SLC2A14: variants seen among roughly 807,000 people sequenced by gnomAD.
SLC2A14 encodes solute carrier family 2 member 14.
In SLC2A14, 13 loss-of-function variants were observed where a neutral mutation model predicts 43.0. The observed-to-expected ratio is 0.30, with a 90% CI of 0.20 to 0.48. SLC2A14 has a LOEUF of 0.48. Ranked by LOEUF, SLC2A14 falls within the 20% of genes least tolerant of loss-of-function variation. The pLI, the probability that SLC2A14 is intolerant of heterozygous loss-of-function variation, is 0.99. For missense variants in SLC2A14, 428 were observed against 620.4 expected (o/e 0.69, Z 3.29); for synonymous variants, 190 against 233.8 (o/e 0.81, Z 1.71).
chr12:7,890,782 T>C (rs747571236), intron 1 of SLC2A14: 1 of 356,054 alleles, frequency 2.8e-6, no homozygotes, highest in Non-Finnish European at 5.1e-6. Context: ...TTATGCAAAG[T>C]CCCCCTTCAG....
intron 6 of SLC2A14, among the ~76,000 whole-genome samples, chr12:7,828,288 C>T (rs1864674044): frequency 6.6e-6 from 1 of 151,942 alleles, no homozygotes; most frequent in Non-Finnish European, 1.5e-5. Context: ...TCACTTGAAC[C>T]TGGGAGGCAG....
chr12:7,819,349 C>G, intron 9 of SLC2A14, 133 bp downstream of exon 9: 1 of 1,493,124 alleles, frequency 6.7e-7, no homozygotes, highest in Non-Finnish European at 9.0e-7. Flanking sequence ...CTTAAAAACT[C>G]TGGGCATCTT....
intron 7 of SLC2A14, among the ~76,000 whole-genome samples, chr12:7,824,400 T>C (rs896425733): frequency 6.6e-6 from 1 of 152,028 alleles, no homozygotes; most frequent in East Asian, 1.9e-4. Context: ...TATCACAATG[T>C]CTACACATCA....
intron 6 of SLC2A14, 134 bp from the exon 7 acceptor site, chr12:7,827,816 C>T: frequency 4.0e-6 from 6 of 1,489,308 alleles, no homozygotes; most frequent in South Asian, 1.4e-5. Flanking sequence ...TGCCCTCTCA[C>T]CTCATTCTTT....
chr12:7,839,618 A>G, intron 2 of SLC2A14: 1 of 282,308 alleles, frequency 3.5e-6, no homozygotes, highest in African/African-American at 2.3e-5. Context: ...TGTTGAATGG[A>G]GAAGATGCTG....
chr12:7,826,926 C>CTT (rs1864484380), intron 7 of SLC2A14, among the ~76,000 whole-genome samples: 1 of 62,264 alleles, frequency 1.6e-5, no homozygotes. Flanking sequence ...TTTCCTTTTT[C>CTT]TTTCCTTTCC....
chr12:7,859,511 T>C (rs1380232441), intron 2 of SLC2A14, among the ~76,000 whole-genome samples: 1 of 151,964 alleles, frequency 6.6e-6, no homozygotes, highest in Non-Finnish European at 1.5e-5. Context: ...GCTAGGGTAT[T>C]AACCATGGGA....
In SLC2A14 at chr12:7,871,040, G is replaced by A. The variant is rs1478953689; in HGVS notation, c.-57-1103C>T. 21 of 1,422,850 alleles carry A rather than the reference G, an allele frequency of 1.5e-5. No homozygotes were observed. The Admixed American group carries it at 1.9e-4, about 13-fold the overall frequency. 88.1% of individuals were successfully genotyped at this position (1,422,850 alleles called of 1,614,324 possible). A position where few individuals can be genotyped will look rare whatever the true frequency, so the allele number is the denominator to read the frequency against. ...CAGCACGACAAGCTGGCTTCACCGCGGAAGAACCCCATGGATGAATACCTG... is the reference window on the plus strand; with the variant it reads ...CAGCACGACAAGCTGGCTTCACCGCAGAAGAACCCCATGGATGAATACCTG... On this transcript the variant is annotated intron_variant, in intron 1 of 10. Transcript: ENST00000431042.
chr12:7,866,942 T>C (rs1859435149), intron 2 of SLC2A14, among the ~76,000 whole-genome samples: 2 of 151,564 alleles, frequency 1.3e-5, no homozygotes, highest in African/African-American at 2.4e-5. Context: ...AGGACTTTCA[T>C]GGTTTTTTTT....
intron 7 of SLC2A14, among the ~76,000 whole-genome samples, chr12:7,825,854 G>A (rs983465529): frequency 1.3e-5 from 2 of 151,486 alleles, no homozygotes; most frequent in African/African-American, 4.9e-5. Context: ...TCCTCAGAAT[G>A]CTCATGGATC....
At position 7,872,909 on chromosome 12, in the gene SLC2A14, C is replaced by T. The variant is rs1945319834; in HGVS notation, c.-160G>A. 22 of 985,496 alleles carry T rather than the reference C, an allele frequency of 2.2e-5. No homozygotes were observed. Among genetic ancestry groups the T allele is most frequent in the Non-Finnish European group, 2.7e-5 (22 of 830,026 alleles). The allele number at this position is 985,496 out of a possible 1,614,324, so 61.0% of individuals were successfully genotyped here. On this transcript the variant is annotated 5_prime_UTR_variant, in exon 1 of 11. Coordinates refer to ENST00000431042, the MANE Select transcript of SLC2A14 (RefSeq NM_001286234.2). ...GGCCCCGCCTGCAGCCGTTGGGACC[C>T]ACTAACTGCCTCGAAAAGCCTAGGA...
chr12:7,886,158 T>A, intron 1 of SLC2A14, among the ~76,000 whole-genome samples: 3 of 3,572 alleles, frequency 8.4e-4, no homozygotes, highest in African/African-American at 7.4e-3. Flanking sequence ...CAGCTTTTTT[T>A]TTTTTTTTTT....
chr12:7,845,810 G>A (rs1028722145), intron 2 of SLC2A14, among the ~76,000 whole-genome samples: 2 of 142,074 alleles, frequency 1.4e-5, no homozygotes, highest in African/African-American at 2.6e-5. Context: ...GCAAACTCAA[G>A]GCCAGGCGTG....
intron 1 of SLC2A14, among the ~76,000 whole-genome samples, chr12:7,883,263 CTTTTTTTTT>C (rs372464881): frequency 1.8e-5 from 2 of 108,406 alleles, no homozygotes; most frequent in East Asian, 3.1e-4. Flanking sequence ...TTCTTTCTTT[CTTTTTTTTT>C]TTTTTTTTTT....
At position 7,828,695 on chromosome 12, in the gene SLC2A14, G is replaced by A; in HGVS notation, c.676+9C>T. ...ATACTTTGTATACTAAAGAGTGAAA[G>A]ATACTCACTCCGCGTAGCATTCTCC... On this transcript the variant is annotated intron_variant, in intron 6 of 10. Coordinates refer to ENST00000431042, the MANE Select transcript of SLC2A14 (RefSeq NM_001286234.2). 3 of 1,613,518 alleles carry A rather than the reference G, an allele frequency of 1.9e-6. No individual in the cohort carries two copies. Among genetic ancestry groups the A allele is most frequent in the Non-Finnish European group, 2.5e-6 (3 of 1,179,522 alleles).
chr12:7,836,205 T>C (rs1400173107), intron 2 of SLC2A14, among the ~76,000 whole-genome samples: 2 of 148,080 alleles, frequency 1.4e-5, no homozygotes, highest in Admixed American at 1.4e-4. Context: ...ACAAATATAA[T>C]GTGAGCCACA....
intron 2 of SLC2A14, among the ~76,000 whole-genome samples, chr12:7,857,207 G>T (rs767508170): frequency 2.2e-4 from 34 of 152,006 alleles, no homozygotes; most frequent in Non-Finnish European, 4.7e-4. Flanking sequence ...CCGAAATCTT[G>T]CTACTATACT....
chr12:7,832,866 G>A, intron 2 of SLC2A14, 52 bp from the exon 3 acceptor site: 1 of 1,530,108 alleles, frequency 6.5e-7, no homozygotes, highest in Non-Finnish European at 9.0e-7. Context: ...ACTTGTAATT[G>A]ATGACTGTTT....
intron 2 of SLC2A14, among the ~76,000 whole-genome samples, chr12:7,852,973 ACTCT>A (rs1227135175): frequency 6.6e-6 from 1 of 152,006 alleles, no homozygotes; most frequent in Non-Finnish European, 1.5e-5. Flanking sequence ...GGAAGCACAT[ACTCT>A]CTCTCTCCTT....
Sources: gnomAD v4.1 joint callset for allele counts (sites outside exome capture counted in the v4.1 genomes callset) on GRCh38, gnomAD v4.1.1 for gene constraint, MANE v1.5 for transcripts, NCBI Gene and HGNC (gene_info 2026-07-23, HGNC 2026-07-21) for gene names.